INPP4B: variants seen among roughly 807,000 people sequenced by gnomAD.
INPP4B encodes inositol polyphosphate-4-phosphatase type II B.
A neutral mutation model predicts 122.5 loss-of-function variants in INPP4B; 55 were observed. The ratio of observed to expected loss-of-function variants is 0.45; its 90% CI spans 0.36 to 0.56. The LOEUF (loss-of-function observed/expected upper bound fraction) is 0.56. Among genes scored for constraint, INPP4B ranks in the 20% least tolerant of loss-of-function variants. The probability of loss-of-function intolerance (pLI) is 0.00; values close to 1 mark genes in which losing one functional copy is unlikely to be tolerated. For synonymous variants in INPP4B, 403 were observed against 388.7 expected, an observed-to-expected ratio of 1.04 and a Z score of -0.43; for missense variants, 1,000 against 1,097.7, an observed-to-expected ratio of 0.91 and a Z score of 1.26.
At chr4:142,650,571 C>T (rs1012470209) in intron 2 of INPP4B, among the ~76,000 whole-genome samples, 1 of 151,516 alleles carries the variant, frequency 6.6e-6, no homozygotes, top group African/African-American at 2.4e-5. Flanking sequence ...GGTTGCAATC[C>T]TAGTCTCTGA....
intron 7 of INPP4B, among the ~76,000 whole-genome samples, chr4:142,397,825 G>A (rs1269078499): frequency 6.6e-6 from 1 of 151,718 alleles, no homozygotes; most frequent in Non-Finnish European, 1.5e-5. Context: ...GTGACAGAGC[G>A]AGGCTCCGTC....
chr4:142,159,774 C>G (rs1819145424), intron 17 of INPP4B, among the ~76,000 whole-genome samples: 1 of 151,934 alleles, frequency 6.6e-6, no homozygotes, highest in East Asian at 1.9e-4. Context: ...TTTCTCTCAC[C>G]ATATTTATTT....
intron 24 of INPP4B, 29 bp downstream of exon 24, chr4:142,086,115 G>A (rs1776613664): frequency 7.4e-7 from 1 of 1,349,770 alleles, no homozygotes. Flanking sequence ...GACATGGCAG[G>A]AAATAAGATT....
chr4:142,145,191 T>C (rs1810031136), intron 18 of INPP4B, among the ~76,000 whole-genome samples: 1 of 152,132 alleles, frequency 6.6e-6, no homozygotes, highest in Non-Finnish European at 1.5e-5. Context: ...AACCTTGTAA[T>C]AAGGTATACA....
intron 7 of INPP4B, among the ~76,000 whole-genome samples, chr4:142,377,063 T>C (rs1258118279): frequency 6.6e-6 from 1 of 151,994 alleles, no homozygotes; most frequent in African/African-American, 2.4e-5. Flanking sequence ...ATTTGATGTT[T>C]AAGTAATGGC....
At chr4:142,599,149 C>T (rs897290578) in intron 2 of INPP4B, among the ~76,000 whole-genome samples, 6 of 152,188 alleles carry the variant, frequency 3.9e-5, no homozygotes, top group African/African-American at 1.2e-4. Context: ...ACTTCCATCA[C>T]CTACACCACA....
intron 9 of INPP4B, among the ~76,000 whole-genome samples, chr4:142,282,119 G>A (rs1251587275): frequency 6.6e-6 from 1 of 152,098 alleles, no homozygotes; most frequent in Non-Finnish European, 1.5e-5. Flanking sequence ...AAAGGTGGAT[G>A]AGTGCTGTGT....
chr4:142,489,524 G>C (rs1448106421), intron 2 of INPP4B, among the ~76,000 whole-genome samples: 3 of 152,098 alleles, frequency 2.0e-5, no homozygotes, highest in Non-Finnish European at 2.9e-5. Flanking sequence ...CTCCTGAGTA[G>C]CTGGAATTAC....
chr4:142,810,367 T>G (rs531773976), intron 1 of INPP4B, among the ~76,000 whole-genome samples: 1 of 152,156 alleles, frequency 6.6e-6, no homozygotes, highest in Non-Finnish European at 1.5e-5. Context: ...ATTCTTCACA[T>G]TTGTTCACTA....
At chr4:142,062,176 C>A (rs1578766706) in intron 25 of INPP4B, among the ~76,000 whole-genome samples, 1 of 152,000 alleles carries the variant, frequency 6.6e-6, no homozygotes, top group East Asian at 1.9e-4. Context: ...TATCTCCTTG[C>A]AGTGGAATCA....
At chr4:142,088,560 A>T (rs188751452) in intron 23 of INPP4B, among the ~76,000 whole-genome samples, 1 of 152,264 alleles carries the variant, frequency 6.6e-6, no homozygotes, top group Admixed American at 6.5e-5. Context: ...TTCTCTTGGC[A>T]TATGTATATA....
At chr4:142,455,770 AG>A (rs1815281010) in intron 3 of INPP4B, among the ~76,000 whole-genome samples, 2 of 152,062 alleles carry the variant, frequency 1.3e-5, no homozygotes, top group South Asian at 4.1e-4. Context: ...CGTTTCCTCC[AG>A]CAGTGTATGG....
chr4:142,534,471 C>T (rs59756917), intron 2 of INPP4B, among the ~76,000 whole-genome samples: 15 of 152,008 alleles, frequency 9.9e-5, no homozygotes, highest in Non-Finnish European at 2.1e-4. Context: ...CACAGAAACA[C>T]GGGCCATCTT....
At position 142,173,637 on chromosome 4, in the gene INPP4B, C is replaced by G. The variant is rs962465332; in HGVS notation, c.1354G>C (p.Glu452Gln). 1.6e-5 allele frequency: 26 copies of G among 1,609,566 alleles called. No individual in the cohort carries two copies. The highest frequency in any genetic ancestry group is 2.0e-5 in the Non-Finnish European group (24 of 1,178,054). The change falls in exon 16 of 26, where the codon GAA becomes CAA. Residue 452 changes from glutamate to glutamine, a missense_variant. Coordinates refer to ENST00000262992, the MANE Select transcript of INPP4B (RefSeq NM_001101669.3). ...SLKNSLKMLS[E>Q]KTELFVHAFK... ...AGTGATGATTTGGATCTTACTTTTTCTGAAAGCATCTTTAAAGAATTCTTC... is the reference window on the plus strand; with the variant it reads ...AGTGATGATTTGGATCTTACTTTTTGTGAAAGCATCTTTAAAGAATTCTTC...
intron 7 of INPP4B, among the ~76,000 whole-genome samples, chr4:142,352,380 G>A (rs1782180232): frequency 1.3e-5 from 2 of 151,668 alleles, no homozygotes; most frequent in South Asian, 4.2e-4. Context: ...TTGCTTCCAG[G>A]TCCTCAAGAC....
At chr4:142,142,373 G>T (rs1808319532) in intron 18 of INPP4B, among the ~76,000 whole-genome samples, 1 of 152,022 alleles carries the variant, frequency 6.6e-6, no homozygotes, top group Non-Finnish European at 1.5e-5. Flanking sequence ...TAATCAGAAG[G>T]TTGCTTTTAG....
intron 25 of INPP4B, among the ~76,000 whole-genome samples, chr4:142,041,433 C>G (rs1747404379): frequency 1.3e-5 from 2 of 152,034 alleles, no homozygotes; most frequent in Non-Finnish European, 2.9e-5. Context: ...GCCTGACCAA[C>G]CTGGTGAAAC....
chr4:142,380,980 A>C (rs1407358069), intron 7 of INPP4B, among the ~76,000 whole-genome samples: 1 of 152,120 alleles, frequency 6.6e-6, no homozygotes, highest in Non-Finnish European at 1.5e-5. Context: ...CCTCATGTGG[A>C]TGCATCAGAA....
intron 12 of INPP4B, among the ~76,000 whole-genome samples, chr4:142,209,311 T>C (rs1843860578): frequency 6.6e-6 from 1 of 152,152 alleles, no homozygotes; most frequent in Non-Finnish European, 1.5e-5. Context: ...TATTCTTATA[T>C]ACATAGGGAA....
Sources: allele counts gnomAD v4.1 joint callset (sites outside exome capture counted in the v4.1 genomes callset), GRCh38; gene constraint gnomAD v4.1.1; transcripts MANE v1.5; gene names NCBI Gene and HGNC (gene_info 2026-07-23, HGNC 2026-07-21).